Variants in CUX1 observed in about 807,000 individuals in gnomAD.
CUX1 encodes protein CASP.
Under a neutral mutation model 158.8 loss-of-function variants are expected in CUX1, and 31 were observed. The ratio of observed to expected loss-of-function variants is 0.20; its 90% confidence interval spans 0.15 to 0.26. The LOEUF (loss-of-function observed/expected upper bound fraction) is 0.26, where lower values mean the gene tolerates loss of function less well. Ranked by LOEUF, CUX1 falls within the 10% of genes least tolerant of loss-of-function variation. The pLI is 1.00. For synonymous variants in CUX1, 879 were observed against 862.1 expected (o/e 1.02, Z -0.34); for missense variants, 1,589 against 2,014.6 (o/e 0.79, Z 4.04).
intron 2 of CUX1, among the ~76,000 whole-genome samples, chr7:102,023,845 C>T (rs1411926320): frequency 5.3e-5 from 8 of 151,938 alleles, no homozygotes; most frequent in East Asian, 3.9e-4. Context: ...AATATGTGTG[C>T]GTGCGTGAGT....
intron 3 of CUX1, among the ~76,000 whole-genome samples, chr7:102,060,971 C>CTAGAGTG (rs1824802598): frequency 7.2e-6 from 1 of 138,070 alleles, no homozygotes; most frequent in Non-Finnish European, 1.5e-5. Context: ...CTAGCCCAGG[C>CTAGAGTG]TAGAGTGCAG....
chr7:101,901,933 G>T (rs1223901531), intron 1 of CUX1, among the ~76,000 whole-genome samples: 1 of 152,258 alleles, frequency 6.6e-6, no homozygotes, highest in Non-Finnish European at 1.5e-5. Flanking sequence ...GGCTCTGAAA[G>T]CATTCAAATT....
intron 1 of CUX1, among the ~76,000 whole-genome samples, chr7:101,887,775 T>C (rs1800382134): frequency 6.6e-6 from 1 of 151,898 alleles, no homozygotes; most frequent in Non-Finnish European, 1.5e-5. Flanking sequence ...TCATACGACA[T>C]TTCTTGCTTT....
intron 2 of CUX1, chr7:101,959,990 A>G (rs1217967466): frequency 6.6e-6 from 1 of 152,228 alleles, no homozygotes; most frequent in Admixed American, 6.5e-5. Flanking sequence ...GAGATGCCTC[A>G]CATTGGCACG....
At chr7:102,278,677 A>AATAAAATAAAAT (rs1791808290) in intron 18 of CUX1, among the ~76,000 whole-genome samples, 1 of 147,048 alleles carries the variant, frequency 6.8e-6, no homozygotes, top group South Asian at 2.1e-4. Context: ...TAAAATATAA[A>AATAAAATAAAAT]ATAAAATAAA....
chr7:101,928,136 C>A (rs977153299), intron 2 of CUX1, among the ~76,000 whole-genome samples: 1 of 152,110 alleles, frequency 6.6e-6, no homozygotes, highest in African/African-American at 2.4e-5. Context: ...TTCATGTGCC[C>A]TGGAATTTTA....
At chr7:102,016,667 C>G (rs563639264) in intron 2 of CUX1, among the ~76,000 whole-genome samples, 1 of 152,278 alleles carries the variant, frequency 6.6e-6, no homozygotes, top group South Asian at 2.1e-4. Context: ...TAGTAGAATT[C>G]TCTCATAAGT....
At chr7:102,000,602 G>T (rs1011539606) in intron 2 of CUX1, among the ~76,000 whole-genome samples, 1 of 152,226 alleles carries the variant, frequency 6.6e-6, no homozygotes, top group South Asian at 2.1e-4. Flanking sequence ...CCGTGGGCAC[G>T]TTGAAGCTGC....
chr7:102,277,625 AAAAAT>A (rs781982650), intron 17 of CUX1, among the ~76,000 whole-genome samples: 42 of 151,950 alleles, frequency 2.8e-4, no homozygotes, highest in Admixed American at 6.6e-4. Context: ...AATAAAAATA[AAAAAT>A]AAAATAAAAT....
chr7:101,869,665 G>A lies in CUX1; in HGVS notation c.31-46450G>A, dbSNP rs10229003. Among the ~76,000 whole-genome samples, 3 of 151,790 alleles carry A rather than the reference G, an allele frequency of 2.0e-5. No individual in the cohort carries two copies. The highest frequency in any genetic ancestry group is 4.4e-5 in the Non-Finnish European group (3 of 67,908). On this transcript the variant is annotated intron_variant, in intron 1 of 23. Transcript: ENST00000292535. The surrounding 1 kb of genome is among the most constrained non-coding windows in gnomAD (Gnocchi z 4.5). The stretch of plus-strand genomic sequence containing the variant: ...TGGTGTGCACACGCGGGGAGCCTCC[G>A]TGTCCTCAGGACACCATGGAAGACG...
At chr7:102,277,747 G>T (rs991394746) in intron 17 of CUX1, among the ~76,000 whole-genome samples, 1 of 152,140 alleles carries the variant, frequency 6.6e-6, no homozygotes, top group Non-Finnish European at 1.5e-5. Context: ...TTGCACCAAC[G>T]TGATACATAT....
rs370946143 is a variant in CUX1 at position 102,257,686 on chromosome 7, ACT to A, written c.*8649_*8650del. The A allele has an allele frequency of 2.7e-4, 268 of 983,706 alleles. 2 individuals carry two copies. The African/African-American group carries it at 4.3e-3, about 16-fold the overall frequency. The allele number at this position is 983,706 out of a possible 1,614,324, so 60.9% of individuals were successfully genotyped here. On this transcript the variant is annotated 3_prime_UTR_variant, in exon 24 of 24. Transcript: ENST00000292535. ...ACAGGGTGGCGGAATCTTCCGGAAA[ACT>A]CTCTATAAGCTCAGCTCCCCCCACC...
intron 8 of CUX1, chr7:102,153,452 A>G (rs1253742325): frequency 6.6e-6 from 1 of 152,282 alleles, no homozygotes; most frequent in Non-Finnish European, 1.5e-5. Context: ...CACTCCCAAG[A>G]TCAGGGAGCT....
chr7:101,823,211 G>A (rs1792869529), intron 1 of CUX1, among the ~76,000 whole-genome samples: 1 of 152,110 alleles, frequency 6.6e-6, no homozygotes, highest in South Asian at 2.1e-4. Context: ...CCCACAAGCA[G>A]GACTGGTACA....
chr7:101,983,121 G>A (rs1300168857), intron 2 of CUX1, among the ~76,000 whole-genome samples: 2 of 152,186 alleles, frequency 1.3e-5, no homozygotes, highest in East Asian at 3.9e-4. Flanking sequence ...CACCAGTGCT[G>A]TTCAGAAGGA....
Position 101,826,082 on chromosome 7 carries a change from A to T in CUX1, c.30+8413A>T, listed in dbSNP as rs565997345. On this transcript the variant is annotated intron_variant, in intron 1 of 23. Transcript: ENST00000292535. ...AGTTCCTGATAGTCCTTTCTGCCCC[A>T]CCTAAACCTTTTCCATCCCAGCTAG... Among the ~76,000 whole-genome samples the T allele has an allele frequency of 9.1e-4, 139 of 152,162 alleles. 2 individuals carry two copies. Among genetic ancestry groups the T allele is most frequent in the Middle Eastern group, 6.8e-3 (2 of 294 alleles).
At chr7:102,274,192 T>C in intron 15 of CUX1, 1 of 1,548,192 alleles carries the variant, frequency 6.5e-7, no homozygotes, top group Non-Finnish European at 8.9e-7. Flanking sequence ...AAAGGGAATA[T>C]TCCGTGCCCA....
intron 21 of CUX1, among the ~76,000 whole-genome samples, chr7:102,228,196 C>T (rs964119963): frequency 6.6e-6 from 1 of 151,810 alleles, no homozygotes. Context: ...AGCAATCTGC[C>T]CACCTCAGCC....
intron 3 of CUX1, among the ~76,000 whole-genome samples, chr7:102,061,793 G>A (rs985012908): frequency 6.6e-5 from 10 of 152,108 alleles, no homozygotes; most frequent in Middle Eastern, 3.2e-3. Flanking sequence ...CCAGCACTTC[G>A]GAAGGCTGAG....
Sources: allele counts gnomAD v4.1 joint callset (sites outside exome capture counted in the v4.1 genomes callset), GRCh38; gene constraint gnomAD v4.1.1; non-coding constraint Gnocchi (gnomAD v3.1); transcripts MANE v1.5; gene names NCBI Gene and HGNC (gene_info 2026-07-23, HGNC 2026-07-21).